Variants in RBBP6 observed in about 807,000 individuals in gnomAD.
The protein encoded by RBBP6 is RB binding protein 6, ubiquitin ligase, also known as E3 ubiquitin-protein ligase RBBP6.
A neutral mutation model predicts 167.7 loss-of-function variants in RBBP6; 25 were observed. That is an observed-to-expected ratio of 0.15 (90% CI 0.11 to 0.21). The LOEUF is 0.21. Among genes scored for constraint, RBBP6 ranks in the 10% least tolerant of loss-of-function variants. The pLI is 1.00. For missense variants in RBBP6, 1,868 were observed against 2,134.2 expected (o/e 0.88, Z 2.46); for synonymous variants, 789 against 735.8 (o/e 1.07, Z -1.17).
chr16:24,550,811 CTTG>C (rs892012809), intron 3 of RBBP6, among the ~76,000 whole-genome samples: 1 of 150,994 alleles, frequency 6.6e-6, no homozygotes, highest in African/African-American at 2.4e-5. Flanking sequence ...ATTAGATAAC[CTTG>C]TTGTCCCCAT....
rs774415699 is a variant in RBBP6, at chr16:24,572,306, A to T, written c.5240A>T (p.His1747Leu). The stretch of plus-strand genomic sequence containing the variant: ...AAGAAACATAAAAAGCATAAGAAGC[A>T]TAAGAAACATGCAGGCACTGAAGTG... ...KHKKHKKHKK[H>L]KKHAGTEVEL... Residue 1747 changes from histidine to leucine, a missense_variant, in exon 18 of 18, where the codon CAT (histidine) becomes CTT (leucine). Physicochemically the swap from His to Leu is moderately conservative, Grantham distance 99 (BLOSUM62 -3). This residue lies in a region of RBBP6 where 591 missense variants were observed against 540.5 expected (regional missense o/e 1.09). Coordinates refer to ENST00000319715, the MANE Select transcript of RBBP6 (RefSeq NM_006910.5). 4 of 1,580,744 alleles carry T rather than the reference A, an allele frequency of 2.5e-6. No homozygotes were observed. In the East Asian group the frequency reaches 9.3e-5, roughly 37 times the overall value.
chr16:24,563,936 G>A (rs751054870), intron 13 of RBBP6, among the ~76,000 whole-genome samples: 13 of 151,876 alleles, frequency 8.6e-5, no homozygotes, highest in Non-Finnish European at 1.8e-4. Flanking sequence ...TGGGGATCTT[G>A]ACAGGACTTC....
chr16:24,558,501 A>G (rs1010379430), intron 7 of RBBP6: 9 of 984,384 alleles, frequency 9.1e-6, no homozygotes, highest in African/African-American at 7.0e-5. Context: ...GGTGATGTCT[A>G]TGGAGCAACT....
At position 24,540,363 on chromosome 16, in the gene RBBP6, C is replaced by T. The variant is rs1166392000; in HGVS notation, c.-264C>T. 2 of 356,184 alleles carry T rather than the reference C, an allele frequency of 5.6e-6. No individual in the cohort carries two copies. Among genetic ancestry groups the T allele is most frequent in the African/African-American group, 2.1e-5 (1 of 47,990 alleles). The allele number at this position is 356,184 out of a possible 1,614,324, so 22.1% of individuals were successfully genotyped here. On this transcript the variant is annotated 5_prime_UTR_variant, in exon 1 of 18. Transcript: ENST00000319715. ...GGGACCCAGCCGGGTGACATTGTGCCCGTTGGCGGATTCTCGATTTCCCCT... is the reference window on the plus strand; with the variant it reads ...GGGACCCAGCCGGGTGACATTGTGCTCGTTGGCGGATTCTCGATTTCCCCT...
In RBBP6 at chr16:24,571,805, A is replaced by G. The variant is rs377045351; in HGVS notation, c.4739A>G (p.Lys1580Arg). The G allele has an allele frequency of 1.2e-6, 2 of 1,614,068 alleles. No individual in the cohort carries two copies. Among genetic ancestry groups the G allele is most frequent in the Admixed American group, 1.7e-5 (1 of 60,026 alleles). The change falls in exon 18 of 18, where the codon AAA becomes AGA. Residue 1580 changes from lysine to arginine, a missense_variant. Physicochemically the swap from Lys to Arg is conservative, Grantham distance 26 (BLOSUM62 2). Around this residue, in one of 7 missense-constraint regions of RBBP6, gnomAD observed 591 missense variants for 540.5 expected, o/e 1.09. Coordinates refer to ENST00000319715, the MANE Select transcript of RBBP6 (RefSeq NM_006910.5). ...EKHVLEARNNKESSGNKLLYI... is the reference protein window; with the variant it reads ...EKHVLEARNNRESSGNKLLYI... ...CATGTATTAGAAGCAAGGAACAATAAAGAGTCAAGTGGCAATAAACTACTT... is the reference window on the plus strand; with the variant it reads ...CATGTATTAGAAGCAAGGAACAATAGAGAGTCAAGTGGCAATAAACTACTT...
rs773152891 is a variant in RBBP6, at chr16:24,569,489, T to C, written c.2799T>C (p.His933=). 57 of 1,608,824 alleles carry C rather than the reference T, an allele frequency of 3.5e-5. No homozygotes were observed. The highest frequency in any genetic ancestry group is 4.4e-5 in the Non-Finnish European group (52 of 1,178,816). The change falls in exon 17 of 18, where the codon CAT becomes CAC. Residue 933 remains histidine (H), a synonymous_variant. Transcript: ENST00000319715. The part of the protein sequence containing the change: ...NAPGDGKGNK[H]KKHRKRRKGE... ...CAGGAGATGGTAAAGGAAATAAGCA[T>C]AAGAAACACAGAAAAAGAAGAAAAG... is the stretch of plus-strand genomic sequence containing the variant.
At chr16:24,563,325 T>G (rs767738631) in intron 11 of RBBP6, 30 bp downstream of exon 11, 3 of 856,092 alleles carry the variant, frequency 3.5e-6, no homozygotes, top group South Asian at 4.4e-5. Flanking sequence ...TAATTTGGGA[T>G]TTTTTTTACA....
At position 24,572,819 on chromosome 16, in the gene RBBP6, T is replaced by G. The variant is rs937541013; in HGVS notation, c.*374T>G. The G allele has an allele frequency of 5.9e-6, 1 of 169,310 alleles. No homozygotes were observed. Among genetic ancestry groups the G allele is most frequent in the East Asian group, 1.6e-4 (1 of 6,112 alleles). 10.5% of individuals were successfully genotyped at this position (169,310 alleles called of 1,614,324 possible). A position where few individuals can be genotyped will look rare whatever the true frequency, so the allele number is the denominator to read the frequency against. On this transcript the variant is annotated 3_prime_UTR_variant, in exon 18 of 18. Coordinates refer to ENST00000319715, the MANE Select transcript of RBBP6 (RefSeq NM_006910.5). The stretch of plus-strand genomic sequence containing the variant: ...TGCTGAATTCATTACAACCCTGTTA[T>G]GTCACTTTTTGATTACAATAAAAGT...
At chr16:24,564,992 T>G in intron 14 of RBBP6, 127 bp downstream of exon 14, 1 of 1,396,522 alleles carries the variant, frequency 7.2e-7, no homozygotes, top group Non-Finnish European at 9.3e-7. Context: ...CTTATCCCTC[T>G]TAAGTCCTGG....
In RBBP6 at chr16:24,571,421, C is replaced by T. The variant is rs138495629; in HGVS notation, c.4355C>T (p.Thr1452Met). ...TCTCAATCTTCCAAAGAGGCTAGAA[C>T]GTCAGATAAACATGATTCCACTCGT... ...SLSQSSKEAR[T>M]SDKHDSTRAS... The change falls in exon 18 of 18, where the codon ACG (threonine) becomes ATG (methionine). Residue 1452 changes from threonine to methionine, a missense_variant. By Grantham distance (81) the Thr-to-Met change is moderately conservative. Around this residue, in one of 7 missense-constraint regions of RBBP6, gnomAD observed 591 missense variants for 540.5 expected, o/e 1.09. Transcript: ENST00000319715. The T allele has an allele frequency of 8.6e-5, 138 of 1,613,502 alleles. 1 individual carries two copies. In the African/African-American group the frequency reaches 1.3e-3, roughly 15 times the overall value.
chr16:24,572,553 C>G lies in RBBP6; in HGVS notation c.*108C>G. ...AAATAATGACATGGAAGACCCTGTG[C>G]TGCACTTAAAATATTGCTGCTTGAT... is the stretch of plus-strand genomic sequence containing the variant. On this transcript the variant is annotated 3_prime_UTR_variant, in exon 18 of 18. Transcript: ENST00000319715. The G allele has an allele frequency of 7.4e-7, 1 of 1,356,952 alleles. No homozygotes were observed. The highest frequency in any genetic ancestry group is 9.7e-7 in the Non-Finnish European group (1 of 1,032,458). 84.1% of individuals were successfully genotyped at this position (1,356,952 alleles called of 1,614,324 possible). A position where few individuals can be genotyped will look rare whatever the true frequency, so the allele number is the denominator to read the frequency against.
chr16:24,545,496 T>C (rs9929910), intron 1 of RBBP6, among the ~76,000 whole-genome samples: 41,392 of 152,040 alleles, frequency 0.27, 5,692 homozygotes, highest in Admixed American at 0.34. Flanking sequence ...TGTCATTCTT[T>C]TCTTTTATTT....
intron 1 of RBBP6, among the ~76,000 whole-genome samples, chr16:24,541,990 T>C (rs768768193): frequency 1.3e-5 from 2 of 152,224 alleles, no homozygotes; most frequent in Non-Finnish European, 2.9e-5. Flanking sequence ...TATAATTGTA[T>C]TAGGTTAAGG....
chr16:24,549,141 T>G, intron 3 of RBBP6, 160 bp downstream of exon 3: 1 of 1,473,098 alleles, frequency 6.8e-7, no homozygotes, highest in Admixed American at 2.4e-5. Flanking sequence ...ATGGATAATA[T>G]GTGGCATCAC....
Position 24,572,101 on chromosome 16 carries a change from A to G in RBBP6, c.5035A>G (p.Thr1679Ala). ...GGAGAAAGCAAAAGAGAGCCTGGAC[A>G]CAGCAGCAGTTGTCCAGGTGGGCAT... ...IVEKAKESLD[T>A]AAVVQVGISR... The change falls in exon 18 of 18, where the codon ACA (threonine) becomes GCA (alanine). Residue 1679 changes from threonine (T) to alanine (A), a missense_variant. Transcript: ENST00000319715. The G allele has an allele frequency of 6.2e-7, 1 of 1,614,164 alleles. No individual in the cohort carries two copies. Among genetic ancestry groups the G allele is most frequent in the Non-Finnish European group, 8.5e-7 (1 of 1,180,028 alleles).
chr16:24,551,948 G>T (rs11074633), intron 3 of RBBP6, among the ~76,000 whole-genome samples: 22,085 of 151,562 alleles, frequency 0.15, 1,832 homozygotes, highest in East Asian at 0.25. Context: ...GATAAAAAGA[G>T]ATATGTATTA....
chr16:24,568,360 A>G (rs924370046), intron 16 of RBBP6, among the ~76,000 whole-genome samples: 2 of 152,216 alleles, frequency 1.3e-5, no homozygotes, highest in Admixed American at 1.3e-4. Context: ...TTAGCCTTAC[A>G]CTTGAAATGT....
At chr16:24,563,958 T>G (rs956837350) in intron 13 of RBBP6, among the ~76,000 whole-genome samples, 1 of 152,124 alleles carries the variant, frequency 6.6e-6, no homozygotes, top group Non-Finnish European at 1.5e-5. Context: ...GTTTAATGAA[T>G]AGATAAGAAT....
chr16:24,555,810 C>T lies in RBBP6; in HGVS notation c.438-11C>T. The T allele has an allele frequency of 1.9e-6, 3 of 1,595,214 alleles. No individual in the cohort carries two copies. Among genetic ancestry groups the T allele is most frequent in the Non-Finnish European group, 2.6e-6 (3 of 1,164,082 alleles). On this transcript the variant is annotated splice_polypyrimidine_tract_variant and intron_variant, in intron 5 of 17. Coordinates refer to ENST00000319715, the MANE Select transcript of RBBP6 (RefSeq NM_006910.5). ...TCCTCGTATACATGTAATTTTTTTT[C>T]CCCCTTTTAGTTACATGAAGAAACC...
Sources: gnomAD v4.1 joint callset for allele counts (sites outside exome capture counted in the v4.1 genomes callset) on GRCh38, gnomAD v4.1.1 for gene constraint, gnomAD v4.1.1 regional missense constraint, MANE v1.5 for transcripts, NCBI Gene and HGNC (gene_info 2026-07-23, HGNC 2026-07-21) for gene names.